Variants in ARHGAP24 observed in about 807,000 individuals in gnomAD.
ARHGAP24 encodes rho GTPase-activating protein 24.
In ARHGAP24, 50 loss-of-function variants were observed where a neutral mutation model predicts 76.4. That is an observed-to-expected ratio of 0.65 (90% CI 0.52 to 0.83). The LOEUF is 0.83. Ranked by LOEUF, ARHGAP24 falls within the 40% of genes least tolerant of loss-of-function variation. The pLI, the probability that ARHGAP24 is intolerant of heterozygous loss-of-function variation, is 0.00. For synonymous variants in ARHGAP24, 345 were observed against 323.3 expected (o/e 1.07, Z -0.72); for missense variants, 930 against 914.2 (o/e 1.02, Z -0.22).
At chr4:85,528,442 T>TTAG (rs1306053806) in intron 1 of ARHGAP24, among the ~76,000 whole-genome samples, 1 of 151,988 alleles carries the variant, frequency 6.6e-6, no homozygotes, top group Admixed American at 6.6e-5. Context: ...ATTTCTGGTG[T>TTAG]TAGTGTACAA....
intron 3 of ARHGAP24, among the ~76,000 whole-genome samples, chr4:85,800,044 A>T (rs900710687): frequency 3.3e-5 from 5 of 152,204 alleles, no homozygotes; most frequent in Admixed American, 3.3e-4. Context: ...CTTCAATTGG[A>T]TCCAGGAACA....
intron 3 of ARHGAP24, among the ~76,000 whole-genome samples, chr4:85,843,441 A>T (rs889869439): frequency 1.3e-5 from 2 of 152,112 alleles, no homozygotes. Flanking sequence ...AACTCATAAT[A>T]GGAAAAATTT....
At chr4:85,521,338 T>A (rs117263724) in intron 1 of ARHGAP24, among the ~76,000 whole-genome samples, 1,546 of 152,268 alleles carry the variant, frequency 0.01, 13 homozygotes, top group East Asian at 0.018. Context: ...AGTTACATAG[T>A]GTCTAAGAGT....
chr4:85,511,433 C>CTTTAT lies in ARHGAP24; in HGVS notation c.-21+35891_-21+35895dup, dbSNP rs551555366. On this transcript the variant is annotated intron_variant, in intron 1 of 9. Coordinates refer to ENST00000395184, the MANE Select transcript of ARHGAP24 (RefSeq NM_001025616.3). ...GTTTTAAACAAAAGAAATTCACTGTCTTTATTTTATTTTATTTTATTATTT... is the reference window on the plus strand; with the variant it reads ...GTTTTAAACAAAAGAAATTCACTGTCTTTATTTTATTTTATTTTATTTTATTATTT... Among the ~76,000 whole-genome samples the CTTTAT allele has an allele frequency of 3.7e-3, 562 of 151,670 alleles. 6 individuals are homozygous for CTTTAT. The highest frequency in any genetic ancestry group is 0.012 in the African/African-American group (510 of 41,406).
intron 2 of ARHGAP24, among the ~76,000 whole-genome samples, chr4:85,579,095 G>A (rs982229435): frequency 2.6e-5 from 4 of 152,088 alleles, no homozygotes; most frequent in African/African-American, 9.7e-5. Flanking sequence ...GACAGCCAAG[G>A]AGACTTGAAG....
intron 2 of ARHGAP24, among the ~76,000 whole-genome samples, chr4:85,655,943 G>C (rs1014368202): frequency 2.6e-5 from 4 of 151,678 alleles, no homozygotes; most frequent in Non-Finnish European, 5.9e-5. Flanking sequence ...AAATAAAGCA[G>C]TTTTATTCAG....
intron 9 of ARHGAP24, among the ~76,000 whole-genome samples, chr4:85,997,403 GATAGATAGATA>G (rs1560776711): frequency 1.2e-5 from 1 of 84,744 alleles, no homozygotes; most frequent in Non-Finnish European, 2.6e-5. Context: ...TAGATAGATA[GATAGATAGATA>G]ATATTTTACT....
chr4:85,778,958 C>G, intron 3 of ARHGAP24: 1 of 985,410 alleles, frequency 1.0e-6, no homozygotes, highest in Non-Finnish European at 1.2e-6. Context: ...AGACCAGTGA[C>G]TTATAAGGTA....
At position 85,857,980 on chromosome 4, in the gene ARHGAP24, C is replaced by A. The variant is rs182408323; in HGVS notation, c.269-65668C>A. ...TTTACTTAAGTTTGTCATTTTTAAC[C>A]TCTTTTGCTTGTAATTAAGAACTTT... On this transcript the variant is annotated intron_variant, in intron 3 of 9. Coordinates refer to ENST00000395184, the MANE Select transcript of ARHGAP24 (RefSeq NM_001025616.3). Among the ~76,000 whole-genome samples, 122 of 152,172 alleles carry A rather than the reference C, an allele frequency of 8.0e-4. 1 individual carries two copies. The highest frequency in any genetic ancestry group is 6.9e-3 in the Admixed American group (105 of 15,258).
chr4:85,995,474 A>G lies in ARHGAP24; in HGVS notation c.1820A>G (p.Tyr607Cys). Residue 607 changes from tyrosine (Y) to cysteine (C), a missense_variant, in exon 9 of 10, where the codon TAT (tyrosine) becomes TGT (cysteine). Coordinates refer to ENST00000395184, the MANE Select transcript of ARHGAP24 (RefSeq NM_001025616.3). ...PQDDLSHPRDYESKSDHRSVG... is the reference protein window; with the variant it reads ...PQDDLSHPRDCESKSDHRSVG... Reference sequence around the variant, plus strand: ...GACGACCTTTCCCACCCCAGGGACTATGAAAGCAAAAGTGACCACAGGAGT... The same window carrying G: ...GACGACCTTTCCCACCCCAGGGACTGTGAAAGCAAAAGTGACCACAGGAGT... The G allele has an allele frequency of 1.2e-6, 2 of 1,602,146 alleles. No individual in the cohort carries two copies. The highest frequency in any genetic ancestry group is 1.7e-6 in the Non-Finnish European group (2 of 1,172,738).
intron 3 of ARHGAP24, among the ~76,000 whole-genome samples, chr4:85,795,040 C>T (rs977011703): frequency 7.2e-5 from 11 of 152,142 alleles, no homozygotes; most frequent in African/African-American, 1.2e-4. Context: ...AGATCCTTTT[C>T]GGAATTCGTA....
chr4:85,669,154 G>C (rs1236205405), intron 2 of ARHGAP24, among the ~76,000 whole-genome samples: 1 of 152,130 alleles, frequency 6.6e-6, no homozygotes, highest in Non-Finnish European at 1.5e-5. Context: ...ACTCAGGGGT[G>C]CTGAGCTCTC....
intron 2 of ARHGAP24, among the ~76,000 whole-genome samples, chr4:85,618,496 C>A (rs1242236335): frequency 6.6e-6 from 1 of 152,054 alleles, no homozygotes; most frequent in South Asian, 2.1e-4. Flanking sequence ...TGGATATGTA[C>A]CCCAAAGTGA....
At position 85,995,600 on chromosome 4, in the gene ARHGAP24, C is replaced by G. The variant is rs772329123; in HGVS notation, c.1946C>G (p.Ser649Cys). 6.2e-7 allele frequency: 1 copy of G among 1,613,870 alleles called. No individual in the cohort carries two copies. Residue 649 changes from serine (S) to cysteine (C), a missense_variant, in exon 9 of 10, where the codon TCC (serine) becomes TGC (cysteine). Transcript: ENST00000395184. Reference protein sequence around the residue: ...SNHSALHSLVSSLKQEMTKQK... With the variant: ...SNHSALHSLVCSLKQEMTKQK... The stretch of plus-strand genomic sequence containing the variant: ...CACAGTGCACTGCACAGTTTAGTTT[C>G]CAGCCTGAAACAGGAAATGACCAAA...
chr4:85,731,029 G>C (rs4693732), intron 3 of ARHGAP24, among the ~76,000 whole-genome samples: 5,397 of 69,540 alleles, frequency 0.078, 116 homozygotes, highest in South Asian at 0.15. Context: ...CACACACACA[G>C]AGAGAGAGAC....
chr4:85,743,591 G>A (rs1399281110), intron 3 of ARHGAP24, among the ~76,000 whole-genome samples: 3 of 151,658 alleles, frequency 2.0e-5, no homozygotes, highest in Admixed American at 6.6e-5. Context: ...AACAAAAACA[G>A]AAAAGAAAGA....
chr4:85,577,108 T>TTA (rs1727409501), intron 2 of ARHGAP24, among the ~76,000 whole-genome samples: 1 of 151,314 alleles, frequency 6.6e-6, no homozygotes, highest in South Asian at 2.1e-4. Flanking sequence ...TTTAAGATAT[T>TTA]AATACTACTC....
intron 1 of ARHGAP24, among the ~76,000 whole-genome samples, chr4:85,487,327 A>C (rs1405429280): frequency 4.2e-5 from 5 of 119,396 alleles, no homozygotes; most frequent in South Asian, 4.5e-4. Context: ...ATATATATTT[A>C]TTATAAATTT....
intron 2 of ARHGAP24, among the ~76,000 whole-genome samples, chr4:85,662,824 T>C (rs1722453163): frequency 6.6e-6 from 1 of 152,310 alleles, no homozygotes; most frequent in Non-Finnish European, 1.5e-5. Flanking sequence ...GATCAGATAG[T>C]TGTAGATATG....
Sources: allele counts gnomAD v4.1 joint callset (sites outside exome capture counted in the v4.1 genomes callset), GRCh38; gene constraint gnomAD v4.1.1; transcripts MANE v1.5; gene names NCBI Gene and HGNC (gene_info 2026-07-23, HGNC 2026-07-21).